The following CACNA1D variants were observed in gnomAD, a reference collection of about 807,000 sequenced individuals.
CACNA1D encodes the protein voltage-dependent L-type calcium channel subunit alpha-1D.
A neutral mutation model predicts 257.1 loss-of-function variants in CACNA1D; 55 were observed. The observed-to-expected ratio is 0.21, with a 90% confidence interval of 0.17 to 0.27. CACNA1D has a LOEUF of 0.27. Ranked by LOEUF, CACNA1D falls within the 10% of genes least tolerant of loss-of-function variation. The pLI, the probability that CACNA1D is intolerant of heterozygous loss-of-function variation, is 1.00. For missense variants in CACNA1D, 1,876 were observed against 2,784.0 expected, an observed-to-expected ratio of 0.67 and a Z score of 7.34; for synonymous variants, 980 against 1,014.9, an observed-to-expected ratio of 0.97 and a Z score of 0.65.
rs185912756 is a variant in CACNA1D at position 53,547,897 on chromosome 3, C to T, written c.483+46177C>T. 1.1e-3 allele frequency among the ~76,000 whole-genome samples: 172 copies of T among 152,332 alleles called. 1 individual carries two copies. The highest frequency in any genetic ancestry group is 3.3e-3 in the African/African-American group (137 of 41,580). On this transcript the variant is annotated intron_variant, in intron 3 of 47. Coordinates refer to ENST00000350061, the MANE Select transcript of CACNA1D (RefSeq NM_001128840.3). The stretch of plus-strand genomic sequence containing the variant: ...TCGTTTCCCCACCAGAAGTTTTCTC[C>T]TGAGGATGTATTAAATGCCGACTAC...
At chr3:53,795,935 GACTA>G (rs1357764967) in intron 40 of CACNA1D, among the ~76,000 whole-genome samples, 1 of 152,218 alleles carries the variant, frequency 6.6e-6, no homozygotes, top group Non-Finnish European at 1.5e-5. Flanking sequence ...CACTGTGGAT[GACTA>G]ACAGAGCGCC....
At chr3:53,619,713 A>G (rs2093675798) in intron 3 of CACNA1D, among the ~76,000 whole-genome samples, 1 of 152,254 alleles carries the variant, frequency 6.6e-6, no homozygotes. Context: ...ACTGGCCACC[A>G]GTCCAGAGTG....
At chr3:53,513,538 G>T (rs1033168632) in intron 3 of CACNA1D, among the ~76,000 whole-genome samples, 5 of 152,220 alleles carry the variant, frequency 3.3e-5, no homozygotes, top group Admixed American at 3.3e-4. Context: ...GGAGGCTGAG[G>T]TGGGAGAATC....
At position 53,811,375 on chromosome 3, in the gene CACNA1D, C is replaced by T. The variant is rs1053519731; in HGVS notation, c.6455C>T (p.Ala2152Val). Residue 2152 changes from alanine to valine, a missense_variant, in exon 48 of 48, where the codon GCG becomes GTG. Coordinates refer to ENST00000350061, the MANE Select transcript of CACNA1D (RefSeq NM_001128840.3). This position sits in a 1 kb window ranked among gnomAD's most constrained non-coding sequence, Gnocchi z 4.2. ...CCTGGGAGGGATGAGGAGGACCTGGCGGATGAAATGATATGCATCACCACC... is the reference window on the plus strand; with the variant it reads ...CCTGGGAGGGATGAGGAGGACCTGGTGGATGAAATGATATGCATCACCACC... Reference protein sequence around the residue: ...PDPGRDEEDLADEMICITTL With the variant: ...PDPGRDEEDLVDEMICITTL 1.0e-5 allele frequency: 16 copies of T among 1,580,454 alleles called. No individual in the cohort carries two copies. The highest frequency in any genetic ancestry group is 1.7e-5 in the Admixed American group (1 of 57,476).
intron 39 of CACNA1D, chr3:53,785,519 C>A (rs1409604915): frequency 1.3e-5 from 2 of 152,320 alleles, no homozygotes; most frequent in Admixed American, 1.3e-4. Flanking sequence ...GAAGCCCACC[C>A]CGGGTACATT....
At chr3:53,700,849 C>CTT (rs10627760) in intron 8 of CACNA1D, among the ~76,000 whole-genome samples, 50,670 of 146,712 alleles carry the variant, frequency 0.35, 8,854 homozygotes, top group African/African-American at 0.43. Context: ...TTTTTCTTTT[C>CTT]TTTTTTTTTT....
chr3:53,617,597 C>T (rs1423224786), intron 3 of CACNA1D, among the ~76,000 whole-genome samples: 1 of 152,144 alleles, frequency 6.6e-6, no homozygotes, highest in African/African-American at 2.4e-5. Flanking sequence ...TTATCACCAT[C>T]CCACTTTACA....
chr3:53,595,544 A>G lies in CACNA1D; in HGVS notation c.484-55235A>G, dbSNP rs141349195. 5.1e-4 allele frequency among the ~76,000 whole-genome samples: 78 copies of G among 152,232 alleles called. 1 individual carries two copies. Among genetic ancestry groups the G allele is most frequent in the Middle Eastern group, 3.4e-3 (1 of 294 alleles). ...CTCCAGCTGGCCCCGGGAACTATTC[A>G]ACATCTGGGATTGCTTCCTGCGGTG... On this transcript the variant is annotated intron_variant, in intron 3 of 47. Transcript: ENST00000350061.
chr3:53,586,322 A>T (rs1312594999), intron 3 of CACNA1D, among the ~76,000 whole-genome samples: 1 of 113,926 alleles, frequency 8.8e-6, no homozygotes, highest in Non-Finnish European at 1.9e-5. Context: ...GTGTGTGTGC[A>T]TTCCTCCTTG....
In CACNA1D at chr3:53,723,676, C is replaced by T. The variant is rs367813518; in HGVS notation, c.1892+17C>T. 1,109 of 1,608,372 alleles carry T rather than the reference C, an allele frequency of 6.9e-4. No individual in the cohort carries two copies. Among genetic ancestry groups the T allele is most frequent in the Non-Finnish European group, 8.6e-4 (1,012 of 1,175,032 alleles). On this transcript the variant is annotated intron_variant, in intron 13 of 47. Transcript: ENST00000350061. The surrounding 1 kb of genome is among the most constrained non-coding windows in gnomAD (Gnocchi z 5.6). Reference sequence around the variant, plus strand: ...AGTGACCAGGTAAGGAAATGTGGGTCCCACTGCAAATGTTTTATGAACATG... The same window carrying T: ...AGTGACCAGGTAAGGAAATGTGGGTTCCACTGCAAATGTTTTATGAACATG...
intron 3 of CACNA1D, among the ~76,000 whole-genome samples, chr3:53,505,626 C>T (rs542753113): frequency 6.6e-6 from 1 of 152,272 alleles, no homozygotes; most frequent in Admixed American, 6.5e-5. Context: ...GGTGGCAGGT[C>T]CCTTTGTGGA....
At chr3:53,541,509 G>C (rs1424663150) in intron 3 of CACNA1D, among the ~76,000 whole-genome samples, 2 of 152,162 alleles carry the variant, frequency 1.3e-5, no homozygotes. Context: ...GCGCGGAGAA[G>C]CCTGTTCTAG....
Position 53,749,324 on chromosome 3 carries a change from A to G in CACNA1D, c.3371A>G (p.His1124Arg). 6.2e-7 allele frequency: 1 copy of G among 1,613,822 alleles called. No homozygotes were observed. ...GAGAACATCGGCCCAATCTACAACC[A>G]CCGCGTGGAGATCTCCATCTTCTTC... is the stretch of plus-strand genomic sequence containing the variant. ...NGENIGPIYN[H>R]RVEISIFFII... The change falls in exon 27 of 48, where the codon CAC becomes CGC. Residue 1124 changes from histidine (H) to arginine (R), a missense_variant. His to Arg is a conservative substitution (Grantham distance 29, BLOSUM62 0). Coordinates refer to ENST00000350061, the MANE Select transcript of CACNA1D (RefSeq NM_001128840.3).
intron 19 of CACNA1D, among the ~76,000 whole-genome samples, chr3:53,734,304 T>A (rs531275360): frequency 6.3e-4 from 95 of 151,540 alleles, no homozygotes; most frequent in African/African-American, 2.2e-3. Flanking sequence ...AATACAGGAA[T>A]ACAGATAGGT....
At chr3:53,703,222 C>T (rs961197092) in intron 9 of CACNA1D, among the ~76,000 whole-genome samples, 15 of 152,222 alleles carry the variant, frequency 9.9e-5, no homozygotes, top group Non-Finnish European at 1.5e-5. Flanking sequence ...TTCCTCTTGA[C>T]TCTTACTCTT....
intron 3 of CACNA1D, among the ~76,000 whole-genome samples, chr3:53,604,837 A>G: frequency 6.6e-6 from 1 of 152,156 alleles, no homozygotes; most frequent in East Asian, 1.9e-4. Flanking sequence ...CCTTCATTTC[A>G]AGGTCTGATA....
intron 3 of CACNA1D, among the ~76,000 whole-genome samples, chr3:53,580,766 T>G (rs2093119486): frequency 6.6e-6 from 1 of 152,230 alleles, no homozygotes; most frequent in Non-Finnish European, 1.5e-5. Context: ...CACCTGTCTT[T>G]CTTAAATTGC....
At chr3:53,675,074 C>A (rs2108426974) in intron 8 of CACNA1D, among the ~76,000 whole-genome samples, 1 of 152,320 alleles carries the variant, frequency 6.6e-6, no homozygotes, top group South Asian at 2.1e-4. Flanking sequence ...CCTAAACCTG[C>A]CCTGGATTGA....
intron 3 of CACNA1D, among the ~76,000 whole-genome samples, chr3:53,613,697 T>C (rs1053219419): frequency 1.3e-5 from 2 of 152,090 alleles, no homozygotes; most frequent in African/African-American, 2.4e-5. Context: ...AAATGTCTTC[T>C]TGTCCCACTA....
Sources: gnomAD v4.1 joint callset for allele counts (sites outside exome capture counted in the v4.1 genomes callset) on GRCh38, gnomAD v4.1.1 for gene constraint, Gnocchi (gnomAD v3.1) non-coding constraint, MANE v1.5 for transcripts, NCBI Gene and HGNC (gene_info 2026-07-23, HGNC 2026-07-21) for gene names.